SRGAP3: variants seen among roughly 807,000 people sequenced by gnomAD.
The protein encoded by SRGAP3 is SLIT-ROBO Rho GTPase activating protein 3, also known as SLIT-ROBO Rho GTPase-activating protein 3.
SRGAP3 carries 39 observed loss-of-function variants against 121.1 expected under a neutral mutation model. The ratio of observed to expected loss-of-function variants is 0.32; its 90% CI spans 0.25 to 0.42. SRGAP3 has a LOEUF of 0.42. Among genes scored for constraint, SRGAP3 ranks in the 10% least tolerant of loss-of-function variants. The probability of loss-of-function intolerance (pLI) is 1.00; values close to 1 mark genes in which losing one functional copy is unlikely to be tolerated. For missense variants in SRGAP3, 1,213 were observed against 1,470.6 expected, an observed-to-expected ratio of 0.82 and a Z score of 2.86; for synonymous variants, 601 against 570.0, an observed-to-expected ratio of 1.05 and a Z score of -0.77.
intron 1 of SRGAP3, among the ~76,000 whole-genome samples, chr3:9,126,463 C>G (rs1338061832): frequency 6.6e-6 from 1 of 152,082 alleles, no homozygotes; most frequent in Non-Finnish European, 1.5e-5. Flanking sequence ...AACCCTGTCT[C>G]TACTAAAAAT....
At chr3:9,175,671 A>C (rs1157889345) in intron 1 of SRGAP3, among the ~76,000 whole-genome samples, 1 of 152,196 alleles carries the variant, frequency 6.6e-6, no homozygotes, top group Non-Finnish European at 1.5e-5. Context: ...TGGTACAGGA[A>C]ATATTTGTGG....
chr3:9,052,472 C>G (rs74729597), intron 9 of SRGAP3, among the ~76,000 whole-genome samples: 8,963 of 152,298 alleles, frequency 0.059, 358 homozygotes, highest in Non-Finnish European at 0.09. Flanking sequence ...TTTAAGGTCC[C>G]TTACAAACCT....
chr3:9,172,348 C>T (rs1247600135), intron 1 of SRGAP3, among the ~76,000 whole-genome samples: 1 of 152,096 alleles, frequency 6.6e-6, no homozygotes. Context: ...AGTGATCTAC[C>T]CACCTCAGCC....
chr3:9,342,532 T>C (rs913981528), intron 1 of SRGAP3, among the ~76,000 whole-genome samples: 15 of 152,236 alleles, frequency 9.9e-5, no homozygotes, highest in Admixed American at 8.5e-4. Flanking sequence ...GCAGCTGCCA[T>C]TGTTGACAAT....
intron 1 of SRGAP3, among the ~76,000 whole-genome samples, chr3:9,183,176 C>G (rs1229807768): frequency 6.6e-6 from 1 of 152,230 alleles, no homozygotes; most frequent in East Asian, 1.9e-4. Flanking sequence ...AGGAAAATGG[C>G]CAAGTTGCAA....
intron 1 of SRGAP3, among the ~76,000 whole-genome samples, chr3:9,170,038 A>G (rs1056196015): frequency 6.6e-6 from 1 of 152,194 alleles, no homozygotes; most frequent in Non-Finnish European, 1.5e-5. Context: ...CTGTGTTGAC[A>G]TTTGTTAAGA....
At chr3:9,315,523 G>T (rs1955328439) in intron 3 of SRGAP3, among the ~76,000 whole-genome samples, 2 of 152,206 alleles carry the variant, frequency 1.3e-5, no homozygotes, top group South Asian at 4.1e-4. Context: ...TGAAACGAAA[G>T]GAAGGGTAAT....
At chr3:9,048,896 G>T (rs1395215759) in intron 9 of SRGAP3, among the ~76,000 whole-genome samples, 1 of 152,196 alleles carries the variant, frequency 6.6e-6, no homozygotes, top group Non-Finnish European at 1.5e-5. Context: ...CTGCAAAGTG[G>T]ACATTTGAGC....
At chr3:9,341,651 C>T (rs1267939292) in intron 1 of SRGAP3, among the ~76,000 whole-genome samples, 1 of 152,140 alleles carries the variant, frequency 6.6e-6, no homozygotes, top group Non-Finnish European at 1.5e-5. Flanking sequence ...CCACTGATTG[C>T]TACATTTGTT....
chr3:9,223,719 C>T (rs1952893442), intron 1 of SRGAP3, among the ~76,000 whole-genome samples: 2 of 152,162 alleles, frequency 1.3e-5, no homozygotes, highest in African/African-American at 4.8e-5. Context: ...GCATTTTATC[C>T]CCGTTTCCCA....
intron 4 of SRGAP3, among the ~76,000 whole-genome samples, chr3:9,077,814 C>CT (rs1418905574): frequency 6.6e-6 from 1 of 152,248 alleles, no homozygotes; most frequent in Non-Finnish European, 1.5e-5. Flanking sequence ...TGACCATCAC[C>CT]TGGCCTTGTC....
In SRGAP3 at chr3:9,265,034, C is replaced by A. The variant is rs1478835821; in HGVS notation, n.442+60976G>T. 2.6e-5 allele frequency among the ~76,000 whole-genome samples: 4 copies of A among 152,194 alleles called. No individual in the cohort carries two copies. In the East Asian group the frequency reaches 5.8e-4, roughly 22 times the overall value. On this transcript the variant is annotated intron_variant and non_coding_transcript_variant, in intron 3 of 3. Coordinates refer to the SRGAP3 transcript ENST00000490889. Reference sequence around the variant, plus strand: ...CTGGTATCAAAACAGATATATAGACCAATGGAACAGAACAGAGGCCTCAGA... The same window carrying A: ...CTGGTATCAAAACAGATATATAGACAAATGGAACAGAACAGAGGCCTCAGA...
chr3:9,329,021 G>T (rs1955561173), intron 2 of SRGAP3, among the ~76,000 whole-genome samples: 3 of 152,056 alleles, frequency 2.0e-5, no homozygotes, highest in Admixed American at 2.0e-4. Context: ...TTTGTTTCAG[G>T]GACCTGCAGC....
chr3:9,063,986 A>G (rs946879270), intron 5 of SRGAP3, among the ~76,000 whole-genome samples: 18 of 152,252 alleles, frequency 1.2e-4, no homozygotes, highest in African/African-American at 4.1e-4. Context: ...TTCAGCAATC[A>G]GTTCCCACCT....
rs1560157532 is a variant in SRGAP3, at chr3:9,104,758, G to T, written c.345C>A (p.Thr115=). ...CATTGTTCATGAAGATGTCATTGAG[G>T]GTGGCATGGTCTCGGCTCTCCCGCC... ...QTRRESRDHA[T]LNDIFMNNVI... is the part of the protein sequence containing the mutation. Residue 115 remains threonine, a synonymous_variant, in exon 3 of 22, where the codon ACC becomes ACA. Transcript: ENST00000383836. The T allele has an allele frequency of 6.2e-7, 1 of 1,614,238 alleles. No individual in the cohort carries two copies. Among genetic ancestry groups the T allele is most frequent in the East Asian group, 2.2e-5 (1 of 44,892 alleles).
chr3:9,059,679 G>GGT, intron 6 of SRGAP3: 2 of 198,430 alleles, frequency 1.0e-5, no homozygotes, highest in South Asian at 9.8e-5. Context: ...CCTGCACAGC[G>GGT]GGTACTCGGG....
intron 1 of SRGAP3, among the ~76,000 whole-genome samples, chr3:9,221,095 C>A (rs1560446607): frequency 6.6e-6 from 1 of 152,204 alleles, no homozygotes; most frequent in Non-Finnish European, 1.5e-5. Context: ...CTGTGTAGAG[C>A]TGAGGGTCTT....
chr3:9,186,053 C>T (rs943535928), intron 1 of SRGAP3, among the ~76,000 whole-genome samples: 2 of 152,120 alleles, frequency 1.3e-5, no homozygotes, highest in East Asian at 1.9e-4. Flanking sequence ...ATTCTCCAAC[C>T]GTGTCACCCC....
chr3:9,246,756 G>C (rs1312444297), intron 1 of SRGAP3, among the ~76,000 whole-genome samples: 1 of 152,178 alleles, frequency 6.6e-6, no homozygotes, highest in Non-Finnish European at 1.5e-5. Flanking sequence ...TTCAGGGACA[G>C]CCATATCCTG....
Sources: gnomAD v4.1 joint callset for allele counts (sites outside exome capture counted in the v4.1 genomes callset) on GRCh38, gnomAD v4.1.1 for gene constraint, MANE v1.5 for transcripts, NCBI Gene and HGNC (gene_info 2026-07-23, HGNC 2026-07-21) for gene names.